Variants in SPECC1L observed in about 807,000 individuals in gnomAD.
The protein encoded by SPECC1L is cytospin-A.
SPECC1L carries 40 observed loss-of-function variants against 116.8 expected under a neutral mutation model. That is an observed-to-expected ratio of 0.34 (90% CI 0.27 to 0.45). The LOEUF (loss-of-function observed/expected upper bound fraction) is 0.45, where lower values mean the gene tolerates loss of function less well. Ranked by LOEUF, SPECC1L falls within the 20% of genes least tolerant of loss-of-function variation. SPECC1L has a pLI of 1.00. For missense variants in SPECC1L, 1,110 were observed against 1,373.6 expected, an observed-to-expected ratio of 0.81 and a Z score of 3.03; for synonymous variants, 504 against 500.6, an observed-to-expected ratio of 1.01 and a Z score of -0.09.
intron 14 of SPECC1L, among the ~76,000 whole-genome samples, chr22:24,376,474 A>G (rs1347664181): frequency 1.3e-5 from 2 of 152,262 alleles, no homozygotes; most frequent in Non-Finnish European, 2.9e-5. Context: ...AGCAGCATCA[A>G]AAAGAATAAA....
intron 2 of SPECC1L, among the ~76,000 whole-genome samples, chr22:24,294,747 C>A (rs1379046532): frequency 6.6e-6 from 1 of 152,066 alleles, no homozygotes; most frequent in Non-Finnish European, 1.5e-5. Context: ...AGAATTGGTG[C>A]TTGGCTTGCC....
chr22:24,314,519 G>A (rs2040523417), intron 4 of SPECC1L, among the ~76,000 whole-genome samples: 1 of 152,156 alleles, frequency 6.6e-6, no homozygotes, highest in Non-Finnish European at 1.5e-5. Flanking sequence ...CAGGACTCAT[G>A]TAGGTCCATA....
At chr22:24,284,468 T>C (rs1199621978) in intron 2 of SPECC1L, among the ~76,000 whole-genome samples, 6 of 152,152 alleles carry the variant, frequency 3.9e-5, no homozygotes, top group Non-Finnish European at 8.8e-5. Flanking sequence ...AGAGTCTTGC[T>C]CTGTCGCCCA....
chr22:24,285,705 G>C (rs1040297717), intron 2 of SPECC1L, among the ~76,000 whole-genome samples: 3 of 151,594 alleles, frequency 2.0e-5, no homozygotes, highest in African/African-American at 7.3e-5. Flanking sequence ...GTGCAGTGTC[G>C]CGGTCTCAGC....
At position 24,324,376 on chromosome 22, in the gene SPECC1L, C is replaced by T; in HGVS notation, c.2095C>T (p.Gln699Ter). ...TIFELEDEVEQHRAVKLHDNL... is the reference protein window; with the variant it reads ...TIFELEDEVE ...CTTTGAACTTGAAGATGAAGTAGAA[C>T]AACATCGTGCTGTGAAACTTCATGA... The change falls in exon 6 of 17, where the codon CAA becomes TAA. Residue 699 changes from glutamine (Q) to a stop codon, truncating the protein, a stop_gained. Transcript: ENST00000314328. LOFTEE classifies it high-confidence loss of function. 6.2e-7 allele frequency: 1 copy of T among 1,614,144 alleles called. No individual in the cohort carries two copies. The highest frequency in any genetic ancestry group is 8.5e-7 in the Non-Finnish European group (1 of 1,179,996).
rs185497653 is a variant in SPECC1L at position 24,294,531 on chromosome 22, A to G, written c.-37-7664A>G. 3.7e-3 allele frequency among the ~76,000 whole-genome samples: 555 copies of G among 151,430 alleles called. 12 individuals are homozygous for G. Among genetic ancestry groups the G allele is most frequent in the African/African-American group, 0.012 (497 of 40,922 alleles). On this transcript the variant is annotated intron_variant, in intron 2 of 16. Transcript: ENST00000314328. Reference sequence around the variant, plus strand: ...CAATTAGCTGGGATTACAGGCACGCACCACCACACCCAGCTAATTTTTTAT... The same window carrying G: ...CAATTAGCTGGGATTACAGGCACGCGCCACCACACCCAGCTAATTTTTTAT...
At chr22:24,396,604 C>A (rs960484165) in intron 14 of SPECC1L, among the ~76,000 whole-genome samples, 1 of 152,174 alleles carries the variant, frequency 6.6e-6, no homozygotes, top group East Asian at 1.9e-4. Context: ...CCTCAAAGAA[C>A]TTTCAAGATT....
intron 14 of SPECC1L, among the ~76,000 whole-genome samples, chr22:24,388,237 C>G (rs1217599554): frequency 8.4e-6 from 1 of 119,098 alleles, no homozygotes; most frequent in African/African-American, 3.2e-5. Context: ...CCCCCCTCCC[C>G]CCACCCCACA....
intron 14 of SPECC1L, among the ~76,000 whole-genome samples, chr22:24,384,721 G>A (rs986304952): frequency 6.6e-6 from 1 of 152,186 alleles, no homozygotes; most frequent in African/African-American, 2.4e-5. Context: ...GCTATTCTGA[G>A]TTGAGATGTG....
At position 24,416,063 on chromosome 22, in the gene SPECC1L, G is replaced by A. The variant is rs965774831; in HGVS notation, c.*1440G>A. On this transcript the variant is annotated 3_prime_UTR_variant, in exon 17 of 17. Coordinates refer to ENST00000314328, the MANE Select transcript of SPECC1L (RefSeq NM_015330.6). Reference sequence around the variant, plus strand: ...TGCCCCACAGACTGGATGCAATGAGGGGCTCACAGGAGGCCCAGCCAGCCC... The same window carrying A: ...TGCCCCACAGACTGGATGCAATGAGAGGCTCACAGGAGGCCCAGCCAGCCC... 2.0e-5 allele frequency: 3 copies of A among 152,260 alleles called. No homozygotes were observed. Among genetic ancestry groups the A allele is most frequent in the Admixed American group, 6.5e-5 (1 of 15,282 alleles). 9.4% of individuals were successfully genotyped at this position (152,260 alleles called of 1,614,324 possible).
chr22:24,323,129 G>T, intron 5 of SPECC1L: 1 of 980,240 alleles, frequency 1.0e-6, no homozygotes, highest in Non-Finnish European at 1.2e-6. Flanking sequence ...CTTGTATTTT[G>T]TTTCTGTTTT....
intron 14 of SPECC1L, 128 bp from the exon 15 acceptor site, chr22:24,411,460 G>A (rs952870434): frequency 2.9e-5 from 24 of 841,586 alleles, no homozygotes; most frequent in Non-Finnish European, 3.7e-5. Context: ...GGACACAGCC[G>A]CCCTGCCCTG....
chr22:24,381,363 AC>A (rs1801083519), intron 14 of SPECC1L, among the ~76,000 whole-genome samples: 1 of 152,222 alleles, frequency 6.6e-6, no homozygotes, highest in South Asian at 2.1e-4. Context: ...AAATAAATGA[AC>A]AAAATATTTT....
intron 14 of SPECC1L, among the ~76,000 whole-genome samples, chr22:24,407,468 G>T (rs533358589): frequency 1.6e-4 from 24 of 152,304 alleles, no homozygotes; most frequent in Admixed American, 4.6e-4. Context: ...GCCTCGAGGC[G>T]CTGTGCAGTG....
intron 2 of SPECC1L, among the ~76,000 whole-genome samples, chr22:24,295,910 C>T (rs893394622): frequency 3.3e-5 from 5 of 152,116 alleles, no homozygotes; most frequent in Non-Finnish European, 5.9e-5. Flanking sequence ...GTCGTGCCGT[C>T]GCACTCCAGA....
intron 1 of SPECC1L, among the ~76,000 whole-genome samples, chr22:24,273,698 G>T (rs1363589472): frequency 6.6e-6 from 1 of 152,188 alleles, no homozygotes; most frequent in Non-Finnish European, 1.5e-5. Flanking sequence ...TGAGAAAGCT[G>T]TTAAATTTGC....
chr22:24,365,660 T>C (rs2041747968), intron 13 of SPECC1L, 28 bp downstream of exon 13: 1 of 1,612,938 alleles, frequency 6.2e-7, no homozygotes, highest in African/African-American at 1.3e-5. Context: ...TTCATGCATT[T>C]CGTGTGTACC....
At chr22:24,296,252 C>T (rs981777291) in intron 2 of SPECC1L, among the ~76,000 whole-genome samples, 5 of 152,196 alleles carry the variant, frequency 3.3e-5, no homozygotes, top group African/African-American at 1.2e-4. Context: ...CACCTGGGAT[C>T]ATGTGAGGAT....
rs777143213 is a variant in SPECC1L, at chr22:24,365,510, C to A, written c.2862C>A (p.Asp954Glu). 1.2e-5 allele frequency: 20 copies of A among 1,614,000 alleles called. No homozygotes were observed. In the East Asian group the frequency reaches 4.5e-4, roughly 36 times the overall value. The change falls in exon 13 of 17, where the codon GAC (aspartate) becomes GAA (glutamate). Residue 954 changes from aspartate (D) to glutamate (E), a missense_variant. This residue lies in a region of SPECC1L where 575 missense variants were observed against 682.4 expected (regional missense o/e 0.84). Coordinates refer to ENST00000314328, the MANE Select transcript of SPECC1L (RefSeq NM_015330.6). ...SRRSSEEVKR[D>E]ISAQEGASPA... ...GAAGTAGTGAAGAAGTGAAACGGGA[C>A]ATTTCTGCACAGGAGGGAGCGTCGC...
Sources: gnomAD v4.1 joint callset for allele counts (sites outside exome capture counted in the v4.1 genomes callset) on GRCh38, gnomAD v4.1.1 for gene constraint, gnomAD v4.1.1 regional missense constraint, MANE v1.5 for transcripts, NCBI Gene and HGNC (gene_info 2026-07-23, HGNC 2026-07-21) for gene names.